PNPT1: variants seen among roughly 807,000 people sequenced by gnomAD.
PNPT1 encodes polyribonucleotide nucleotidyltransferase 1, mitochondrial.
In PNPT1, 53 loss-of-function variants were observed where a neutral mutation model predicts 119.5. The ratio of observed to expected loss-of-function variants is 0.44; its 90% confidence interval spans 0.36 to 0.56. PNPT1 has a LOEUF of 0.56. PNPT1 is among the 20% of genes least tolerant of loss of function. The pLI is 0.00. For synonymous variants in PNPT1, 357 were observed against 322.1 expected (o/e 1.11, Z -1.16); for missense variants, 948 against 938.5 (o/e 1.01, Z -0.13).
intron 5 of PNPT1, among the ~76,000 whole-genome samples, chr2:55,683,244 C>T (rs1225767720): frequency 6.6e-6 from 1 of 152,180 alleles, no homozygotes; most frequent in East Asian, 1.9e-4. Context: ...TTCCCTGACA[C>T]ACCTTGGTTG....
chr2:55,645,022 A>ATTTT (rs528402444), intron 22 of PNPT1: 11 of 178,134 alleles, frequency 6.2e-5, no homozygotes, highest in South Asian at 3.0e-4. Flanking sequence ...GATCACTAAA[A>ATTTT]TTTTTTTTTT....
chr2:55,670,326 A>T (rs954627630), intron 11 of PNPT1, among the ~76,000 whole-genome samples: 1 of 152,002 alleles, frequency 6.6e-6, no homozygotes, highest in African/African-American at 2.4e-5. Context: ...AGCTGGGACC[A>T]CAGGTGCCCG....
intron 18 of PNPT1, among the ~76,000 whole-genome samples, chr2:55,651,657 T>G (rs551289169): frequency 8.6e-5 from 13 of 150,450 alleles, no homozygotes; most frequent in African/African-American, 2.9e-4. Flanking sequence ...CAGGGTCCTC[T>G]GCCTAGGAAA....
At chr2:55,672,283 C>T (rs1392363962) in intron 9 of PNPT1, among the ~76,000 whole-genome samples, 2 of 152,136 alleles carry the variant, frequency 1.3e-5, no homozygotes, top group Non-Finnish European at 2.9e-5. Flanking sequence ...GTATCCTGTT[C>T]TTTTCTTCTT....
chr2:55,645,078 C>T, intron 22 of PNPT1: 1 of 256,274 alleles, frequency 3.9e-6, no homozygotes, highest in Non-Finnish European at 7.2e-6. Context: ...GGCTGGAGTG[C>T]AGTGGCGCGA....
Position 55,640,719 on chromosome 2 carries a change from A to T in PNPT1, c.2070-14T>A. The T allele has an allele frequency of 6.8e-7, 1 of 1,480,930 alleles. No homozygotes were observed. 91.7% of individuals were successfully genotyped at this position (1,480,930 alleles called of 1,614,324 possible). On this transcript the variant is annotated splice_polypyrimidine_tract_variant and intron_variant, in intron 25 of 27. Coordinates refer to ENST00000447944, the MANE Select transcript of PNPT1 (RefSeq NM_033109.5). ...ACACCAGTATCTCTACAAAAAAATAAATAGTAAGCCTGGTTAAAATAATAA... is the reference window on the plus strand; with the variant it reads ...ACACCAGTATCTCTACAAAAAAATATATAGTAAGCCTGGTTAAAATAATAA...
intron 4 of PNPT1, 103 bp downstream of exon 4, chr2:55,684,840 T>C (rs967661429): frequency 1.5e-6 from 2 of 1,313,476 alleles, no homozygotes; most frequent in African/African-American, 1.5e-5. Flanking sequence ...GTGTTAATGC[T>C]ATGAAGGAAA....
intron 8 of PNPT1, among the ~76,000 whole-genome samples, chr2:55,676,053 G>C (rs965226165): frequency 5.9e-5 from 9 of 151,934 alleles, no homozygotes; most frequent in Admixed American, 2.6e-4. Context: ...CTGAGTTCAG[G>C]AGTTTGAGAC....
At chr2:55,651,947 C>A (rs1435723917) in intron 18 of PNPT1, among the ~76,000 whole-genome samples, 2 of 150,004 alleles carry the variant, frequency 1.3e-5, no homozygotes, top group Non-Finnish European at 3.0e-5. Flanking sequence ...ACCTTAACAC[C>A]TCTTTCGAGT....
In PNPT1 at chr2:55,636,185, G is replaced by T; in HGVS notation, c.*52C>A. ...GATACTACTAAAATGTTGCTCTACAGCACATCACCCTAGACAAAATAGAAT... is the reference window on the plus strand; with the variant it reads ...GATACTACTAAAATGTTGCTCTACATCACATCACCCTAGACAAAATAGAAT... On this transcript the variant is annotated 3_prime_UTR_variant, in exon 28 of 28. Coordinates refer to ENST00000447944, the MANE Select transcript of PNPT1 (RefSeq NM_033109.5). The T allele has an allele frequency of 2.1e-6, 3 of 1,428,640 alleles. No individual in the cohort carries two copies. Among genetic ancestry groups the T allele is most frequent in the South Asian group, 2.5e-5 (2 of 80,076 alleles). 88.5% of individuals were successfully genotyped at this position (1,428,640 alleles called of 1,614,324 possible). A position where few individuals can be genotyped will look rare whatever the true frequency, so the allele number is the denominator to read the frequency against.
intron 18 of PNPT1, among the ~76,000 whole-genome samples, chr2:55,651,584 C>G (rs1449599964): frequency 1.1e-4 from 16 of 151,796 alleles, no homozygotes; most frequent in African/African-American, 1.5e-4. Flanking sequence ...CAGCATGCTC[C>G]TTAAGAGTCA....
chr2:55,683,777 G>C lies in PNPT1; in HGVS notation c.453+8C>G. ...TCTGGCAACTAAAAAACCTAAAGCA[G>C]AATCTACCTGTGTATCATAGAAGTA... is the stretch of plus-strand genomic sequence containing the variant. On this transcript the variant is annotated splice_region_variant and intron_variant, in intron 5 of 27. Coordinates refer to ENST00000447944, the MANE Select transcript of PNPT1 (RefSeq NM_033109.5). 6.2e-7 allele frequency: 1 copy of C among 1,608,918 alleles called. No individual in the cohort carries two copies. Among genetic ancestry groups the C allele is most frequent in the Non-Finnish European group, 8.5e-7 (1 of 1,176,638 alleles).
chr2:55,681,028 C>T (rs1559110061), intron 5 of PNPT1, 110 bp from the exon 6 acceptor site: 6 of 833,690 alleles, frequency 7.2e-6, no homozygotes, highest in Non-Finnish European at 1.2e-5. Flanking sequence ...GTAGCCAAAC[C>T]TCTTAATTTT....
chr2:55,636,154 A>C lies in PNPT1; in HGVS notation c.*83T>G. 1.0e-6 allele frequency: 1 copy of C among 970,582 alleles called. No individual in the cohort carries two copies. Among genetic ancestry groups the C allele is most frequent in the Non-Finnish European group, 1.5e-6 (1 of 679,930 alleles). 60.1% of individuals were successfully genotyped at this position (970,582 alleles called of 1,614,324 possible). Reference sequence around the variant, plus strand: ...TTTATATTATATAGAAATCTACACAATGGAAGATACTACTAAAATGTTGCT... The same window carrying C: ...TTTATATTATATAGAAATCTACACACTGGAAGATACTACTAAAATGTTGCT... On this transcript the variant is annotated 3_prime_UTR_variant, in exon 28 of 28. Coordinates refer to ENST00000447944, the MANE Select transcript of PNPT1 (RefSeq NM_033109.5).
At chr2:55,651,638 G>A (rs1295562848) in intron 18 of PNPT1, among the ~76,000 whole-genome samples, 2 of 150,342 alleles carry the variant, frequency 1.3e-5, no homozygotes, top group East Asian at 1.9e-4. Context: ...CAAACACTGC[G>A]GAAGGCCGCA....
Position 55,693,773 on chromosome 2 carries a change from G to C in PNPT1, c.51C>G (p.Ser17Arg). The C allele has an allele frequency of 6.2e-7, 1 of 1,614,116 alleles. No individual in the cohort carries two copies. The highest frequency in any genetic ancestry group is 8.5e-7 in the Non-Finnish European group (1 of 1,180,040). Reference sequence around the variant, plus strand: ...GCCGTGGCAGAAGGAAAGGACCATCGCTCAGGGGCCGGAGCCGGAGGCACG... The same window carrying C: ...GCCGTGGCAGAAGGAAAGGACCATCCCTCAGGGGCCGGAGCCGGAGGCACG... ...CCSCLRLRPL[S>R]DGPFLLPRRD... is the part of the protein sequence containing the mutation. The change falls in exon 1 of 28, where the codon AGC (serine) becomes AGG (arginine). Residue 17 changes from serine to arginine, a missense_variant. By Grantham distance (110) the Ser-to-Arg change is moderately radical. Transcript: ENST00000447944.
chr2:55,683,966 G>A, intron 4 of PNPT1, 132 bp from the exon 5 acceptor site: 4 of 752,110 alleles, frequency 5.3e-6, no homozygotes, highest in East Asian at 2.7e-5. Context: ...TTACTAAGAG[G>A]GACACAGATA....
chr2:55,661,827 T>C, intron 14 of PNPT1, 129 bp downstream of exon 14: 2 of 865,758 alleles, frequency 2.3e-6, no homozygotes, highest in Non-Finnish European at 3.3e-6. Context: ...CATGATGATG[T>C]AAACAGAAAA....
At chr2:55,681,203 T>C (rs919453731) in intron 5 of PNPT1, among the ~76,000 whole-genome samples, 1 of 151,820 alleles carries the variant, frequency 6.6e-6, no homozygotes, top group East Asian at 1.9e-4. Context: ...GGTCAAGAGT[T>C]TGAGACTAGT....
Sources: gnomAD v4.1 joint callset for allele counts (sites outside exome capture counted in the v4.1 genomes callset) on GRCh38, gnomAD v4.1.1 for gene constraint, MANE v1.5 for transcripts, NCBI Gene and HGNC (gene_info 2026-07-23, HGNC 2026-07-21) for gene names.